Variants in C2orf49 observed in about 807,000 individuals in gnomAD.
C2orf49 encodes the protein tRNA splicing ligase complex subunit 2, also known as tRNA-splicing ligase complex subunit ASW.
A neutral mutation model predicts 20.6 loss-of-function variants in C2orf49; 11 were observed. The observed-to-expected ratio is 0.53, with a 90% CI of 0.34 to 0.88. C2orf49 has a LOEUF of 0.88. Ranked by LOEUF, C2orf49 falls within the 40% of genes least tolerant of loss-of-function variation. The pLI is 0.02. For synonymous variants in C2orf49, 134 were observed against 108.5 expected, an observed-to-expected ratio of 1.24 and a Z score of -1.46; for missense variants, 289 against 274.2, an observed-to-expected ratio of 1.05 and a Z score of -0.38.
downstream of C2orf49, among the ~76,000 whole-genome samples, chr2:105,352,371 G>A (rs1679954044): frequency 6.7e-6 from 1 of 149,782 alleles, no homozygotes; most frequent in Non-Finnish European, 1.5e-5. Flanking sequence ...ATAAGGAAAT[G>A]GAGTAAATAA....
chr2:105,356,561 C>T, the C2orf49 span, among the ~76,000 whole-genome samples: 3 of 152,040 alleles, frequency 2.0e-5, no homozygotes, highest in African/African-American at 4.8e-5. Context: ...GGAAACAGAG[C>T]GAGATCCTGT....
chr2:105,343,924 C>T (rs190212237), intron 3 of C2orf49, among the ~76,000 whole-genome samples: 139 of 151,910 alleles, frequency 9.2e-4, no homozygotes, highest in Admixed American at 4.1e-3. Flanking sequence ...GTTTAATAGC[C>T]ATTATTCTGT....
the C2orf49 span, among the ~76,000 whole-genome samples, chr2:105,354,598 A>G: frequency 6.6e-6 from 1 of 152,102 alleles, no homozygotes; most frequent in Non-Finnish European, 1.5e-5. Context: ...CCCTGGAGGC[A>G]GAGGTTGCAG....
At chr2:105,342,168 G>A (rs528735489) in intron 2 of C2orf49, among the ~76,000 whole-genome samples, 115 of 152,330 alleles carry the variant, frequency 7.5e-4, no homozygotes, top group Non-Finnish European at 1.2e-3. Context: ...GCGCAACTCC[G>A]TCTCAAAAAT....
chr2:105,349,168 T>A lies in C2orf49; in HGVS notation c.*3797T>A, dbSNP rs1679882996. 6.6e-6 allele frequency: 1 copy of A among 152,224 alleles called. No homozygotes were observed. Among genetic ancestry groups the A allele is most frequent in the African/African-American group, 2.4e-5 (1 of 41,442 alleles). The allele number at this position is 152,224 out of a possible 1,614,324, so 9.4% of individuals were successfully genotyped here. A position where few individuals can be genotyped will look rare whatever the true frequency, so the allele number is the denominator to read the frequency against. ...TTCTAAACTGCTATCTTAATATTAT[T>A]ATATTTGGAGACTGATGCTGTAAAT... is the stretch of plus-strand genomic sequence containing the variant. On this transcript the variant is annotated 3_prime_UTR_variant, in exon 4 of 4. Coordinates refer to ENST00000258457, the MANE Select transcript of C2orf49 (RefSeq NM_024093.3).
At chr2:105,368,408 T>C in the C2orf49 span, among the ~76,000 whole-genome samples, 2 of 152,210 alleles carry the variant, frequency 1.3e-5, no homozygotes, top group African/African-American at 2.4e-5. Flanking sequence ...CCTGGCTCAC[T>C]GCAGCCTTGA....
chr2:105,352,863 T>C (rs1679972648), downstream of C2orf49, among the ~76,000 whole-genome samples: 1 of 152,344 alleles, frequency 6.6e-6, no homozygotes, highest in Non-Finnish European at 1.5e-5. Context: ...TTACTAGTTA[T>C]ATTTTTTTAA....
the C2orf49 span, among the ~76,000 whole-genome samples, chr2:105,355,830 A>G: frequency 6.7e-6 from 1 of 150,276 alleles, no homozygotes; most frequent in African/African-American, 2.4e-5. Flanking sequence ...CACTACCCAG[A>G]TCAAGATACA....
downstream of C2orf49, among the ~76,000 whole-genome samples, chr2:105,353,594 TG>T (rs1679988652): frequency 6.6e-6 from 1 of 152,216 alleles, no homozygotes; most frequent in Non-Finnish European, 1.5e-5. Flanking sequence ...TGATTTCTAG[TG>T]TGTTGGCCTC....
chr2:105,383,744 T>C, the C2orf49 span, among the ~76,000 whole-genome samples: 1 of 152,202 alleles, frequency 6.6e-6, no homozygotes, highest in Admixed American at 6.5e-5. Context: ...AACAGGAACA[T>C]TTTTTTCTAT....
At chr2:105,337,751 C>T (rs1679541443) in intron 1 of C2orf49, 65 bp downstream of exon 1, 10 of 1,437,950 alleles carry the variant, frequency 7.0e-6, no homozygotes, top group South Asian at 4.1e-5. Context: ...TGCACCCGAG[C>T]TTGCCTTAAG....
chr2:105,342,903 T>C lies in C2orf49; in HGVS notation c.322T>C (p.Ser108Pro). Residue 108 changes from serine (S) to proline (P), a missense_variant, in exon 3 of 4, where the codon TCA (serine) becomes CCA (proline). Transcript: ENST00000258457. Reference sequence around the variant, plus strand: ...ACCCCTCATCGTATTTGATGGAAGTTCAACAAGTACAAGCATAAAAGTGAA... The same window carrying C: ...ACCCCTCATCGTATTTGATGGAAGTCCAACAAGTACAAGCATAAAAGTGAA... ...KRPLIVFDGS[S>P]TSTSIKVKKT... The C allele has an allele frequency of 6.2e-7, 1 of 1,614,134 alleles. No homozygotes were observed. Among genetic ancestry groups the C allele is most frequent in the African/African-American group, 1.3e-5 (1 of 75,026 alleles).
the C2orf49 span, chr2:105,358,675 CTT>C: frequency 6.6e-6 from 1 of 152,180 alleles, no homozygotes; most frequent in African/African-American, 2.4e-5. Flanking sequence ...TTTTCAGAGA[CTT>C]TGTGTTGTGT....
At chr2:105,364,349 A>G in the C2orf49 span, among the ~76,000 whole-genome samples, 1 of 152,224 alleles carries the variant, frequency 6.6e-6, no homozygotes, top group African/African-American at 2.4e-5. Flanking sequence ...CTTACGGTGA[A>G]AGAAGGAAGA....
At chr2:105,376,510 C>G in the C2orf49 span, 1 of 152,104 alleles carries the variant, frequency 6.6e-6, no homozygotes, top group African/African-American at 2.4e-5. Flanking sequence ...AGTAATCTGC[C>G]TAATTTAAGA....
chr2:105,346,640 T>C lies in C2orf49; in HGVS notation c.*1269T>C, dbSNP rs1006189453. On this transcript the variant is annotated 3_prime_UTR_variant, in exon 4 of 4. Coordinates refer to ENST00000258457, the MANE Select transcript of C2orf49 (RefSeq NM_024093.3). Reference sequence around the variant, plus strand: ...CAGTCAGGGGCAAAAATTAGCGTAATATGGAGTAGGCAATAGAGGAGCTAC... The same window carrying C: ...CAGTCAGGGGCAAAAATTAGCGTAACATGGAGTAGGCAATAGAGGAGCTAC... 1 of 152,096 alleles carries C rather than the reference T, an allele frequency of 6.6e-6. No homozygotes were observed. Among genetic ancestry groups the C allele is most frequent in the Non-Finnish European group, 1.5e-5 (1 of 68,028 alleles). 9.4% of individuals were successfully genotyped at this position (152,096 alleles called of 1,614,324 possible).
At chr2:105,374,025 C>T in the C2orf49 span, 1 of 422,176 alleles carries the variant, frequency 2.4e-6, no homozygotes, top group Non-Finnish European at 4.4e-6. Flanking sequence ...TTATGTATTG[C>T]CTGCAAGAAA....
chr2:105,350,096 C>G (rs561553201), downstream of C2orf49, among the ~76,000 whole-genome samples: 4 of 152,240 alleles, frequency 2.6e-5, no homozygotes, highest in South Asian at 2.1e-4. Context: ...ACCTATCCCC[C>G]CCGGTCTAGC....
At chr2:105,379,256 A>G in the C2orf49 span, among the ~76,000 whole-genome samples, 1 of 152,216 alleles carries the variant, frequency 6.6e-6, no homozygotes, top group Non-Finnish European at 1.5e-5. Context: ...AGTTGCTGGT[A>G]TGTATTACAA....
Sources: allele counts gnomAD v4.1 joint callset (sites outside exome capture counted in the v4.1 genomes callset), GRCh38; gene constraint gnomAD v4.1.1; transcripts MANE v1.5; gene names NCBI Gene and HGNC (gene_info 2026-07-23, HGNC 2026-07-21).